The following PFN2 variants were observed in gnomAD, a reference collection of about 807,000 sequenced individuals.
The protein encoded by PFN2 is profilin 2.
Under a neutral mutation model 15.3 loss-of-function variants are expected in PFN2, and 8 were observed. The observed-to-expected ratio is 0.52, with a 90% confidence interval of 0.31 to 0.95. PFN2 has a LOEUF of 0.95. PFN2 is among the 40% of genes least tolerant of loss of function. The pLI, the probability that PFN2 is intolerant of heterozygous loss-of-function variation, is 0.05. For missense variants in PFN2, 111 were observed against 182.3 expected (o/e 0.61, Z 2.25); for synonymous variants, 79 against 67.9 (o/e 1.16, Z -0.81).
At chr3:149,970,077 G>C (rs561383703) in intron 1 of PFN2, among the ~76,000 whole-genome samples, 1 of 151,568 alleles carries the variant, frequency 6.6e-6, no homozygotes, top group Non-Finnish European at 1.5e-5. Flanking sequence ...AACCTATAGA[G>C]CTAGAGCTGA....
chr3:149,968,449 T>C lies in PFN2; in HGVS notation c.234A>G (p.Leu78=), dbSNP rs775337524. The change falls in exon 2 of 3, where the codon CTA becomes CTG. Residue 78 remains leucine, a synonymous_variant. Transcript: ENST00000239940. ...CCATTGTGCAGTCACCATCGACGTA[T>C]AGACTATCTCTGATCACTGAGCATT... ...AKKCSVIRDS[L]YVDGDCTMDI... 48 of 1,613,968 alleles carry C rather than the reference T, an allele frequency of 3.0e-5. No individual in the cohort carries two copies. Among genetic ancestry groups the C allele is most frequent in the East Asian group, 2.5e-4 (11 of 44,876 alleles).
intron 2 of PFN2, 26 bp downstream of exon 2, chr3:149,968,318 ATGTGGCATGCAACT>A: frequency 6.5e-7 from 1 of 1,532,782 alleles, no homozygotes; most frequent in Non-Finnish European, 9.0e-7. Context: ...ATAAGTTGTA[ATGTGGCATGCAACT>A]TTAACCAAAA....
In PFN2 at chr3:149,965,679, G is replaced by A. The variant is rs1722664685; in HGVS notation, c.*810C>T. On this transcript the variant is annotated 3_prime_UTR_variant, in exon 3 of 3. Transcript: ENST00000239940. ...AACAGGCACTGCATAAAAAAAGATGGAAGCAAACCAAATGCCTATGTGCGA... is the reference window on the plus strand; with the variant it reads ...AACAGGCACTGCATAAAAAAAGATGAAAGCAAACCAAATGCCTATGTGCGA... The A allele has an allele frequency of 1.8e-5, 10 of 543,696 alleles. No individual in the cohort carries two copies. The highest frequency in any genetic ancestry group is 1.0e-4 in the Admixed American group (1 of 9,822). The allele number at this position is 543,696 out of a possible 1,614,324, so 33.7% of individuals were successfully genotyped here.
rs1722649245 is a variant in PFN2 at position 149,965,178 on chromosome 3, G to C, written c.*1311C>G. 3 of 1,467,062 alleles carry C rather than the reference G, an allele frequency of 2.0e-6. No individual in the cohort carries two copies. The highest frequency in any genetic ancestry group is 1.4e-5 in the African/African-American group (1 of 70,636). The allele number at this position is 1,467,062 out of a possible 1,614,324, so 90.9% of individuals were successfully genotyped here. A position where few individuals can be genotyped will look rare whatever the true frequency, so the allele number is the denominator to read the frequency against. ...GTCAGTTAAAATCCATCTCACAATA[G>C]CAACAGTTCATTTTAACAATAGTAT... is the stretch of plus-strand genomic sequence containing the variant. On this transcript the variant is annotated 3_prime_UTR_variant, in exon 3 of 3. Coordinates refer to ENST00000239940, the MANE Select transcript of PFN2 (RefSeq NM_053024.4).
chr3:149,968,857 G>A (rs924814616), intron 1 of PFN2: 2 of 292,662 alleles, frequency 6.8e-6, no homozygotes, highest in South Asian at 6.5e-5. Context: ...CAAACTTAAA[G>A]AGTTATTTAT....
rs777597081 is a variant in PFN2, at chr3:149,968,562, C to CA, written c.133-13dup. On this transcript the variant is annotated splice_polypyrimidine_tract_variant and intron_variant, in intron 1 of 2. Coordinates refer to ENST00000239940, the MANE Select transcript of PFN2 (RefSeq NM_053024.4). ...TCTATTTCTATTGGCTGCCCCCCACCAAAAAGAAAAAAAAAAAACACACAC... is the reference window on the plus strand; with the variant it reads ...TCTATTTCTATTGGCTGCCCCCCACCAAAAAAGAAAAAAAAAAAACACACAC... 2.8e-6 allele frequency: 4 copies of CA among 1,437,082 alleles called. No homozygotes were observed. Among genetic ancestry groups the CA allele is most frequent in the Admixed American group, 2.6e-5 (1 of 37,914 alleles). The allele number at this position is 1,437,082 out of a possible 1,614,324, so 89.0% of individuals were successfully genotyped here. A position where few individuals can be genotyped will look rare whatever the true frequency, so the allele number is the denominator to read the frequency against.
At chr3:149,968,200 A>G in intron 2 of PFN2, 158 bp downstream of exon 2, 1 of 623,182 alleles carries the variant, frequency 1.6e-6, no homozygotes, top group Non-Finnish European at 2.8e-6. Context: ...GCTGTAGAGT[A>G]GGTAAAACTA....
rs1376789332 is a variant in PFN2, at chr3:149,966,188, G to C, written c.*301C>G. Reference sequence around the variant, plus strand: ...CTGCTTACACATCAGACCTCCTCAGGTATAAAGCGAGTTCATATGCTTTCT... The same window carrying C: ...CTGCTTACACATCAGACCTCCTCAGCTATAAAGCGAGTTCATATGCTTTCT... On this transcript the variant is annotated 3_prime_UTR_variant, in exon 3 of 3. Coordinates refer to ENST00000239940, the MANE Select transcript of PFN2 (RefSeq NM_053024.4). 1 of 1,613,694 alleles carries C rather than the reference G, an allele frequency of 6.2e-7. No homozygotes were observed. Among genetic ancestry groups the C allele is most frequent in the East Asian group, 2.2e-5 (1 of 44,882 alleles).
In PFN2 at chr3:149,965,345, T is replaced by C; in HGVS notation, c.*1144A>G. 6.6e-7 allele frequency: 1 copy of C among 1,517,116 alleles called. No individual in the cohort carries two copies. The highest frequency in any genetic ancestry group is 8.8e-7 in the Non-Finnish European group (1 of 1,141,250). 94.0% of individuals were successfully genotyped at this position (1,517,116 alleles called of 1,614,324 possible). On this transcript the variant is annotated 3_prime_UTR_variant, in exon 3 of 3. Transcript: ENST00000239940. Reference sequence around the variant, plus strand: ...CACACTCCAGATGGTTATGTTGGGATACCTAATGTCCATAATGGCAGCCTT... The same window carrying C: ...CACACTCCAGATGGTTATGTTGGGACACCTAATGTCCATAATGGCAGCCTT...
chr3:149,966,100 G>T lies in PFN2; in HGVS notation c.*389C>A. ...AAAAATTAGCTACCATCTACAGTTT[G>T]GTAGCATTGTGACCATAATTAGGGT... is the stretch of plus-strand genomic sequence containing the variant. On this transcript the variant is annotated 3_prime_UTR_variant, in exon 3 of 3. Transcript: ENST00000239940. The T allele has an allele frequency of 6.4e-7, 1 of 1,564,932 alleles. No homozygotes were observed. The highest frequency in any genetic ancestry group is 1.2e-5 in the South Asian group (1 of 82,182).
At chr3:149,970,210 C>A (rs1722812365) in intron 1 of PFN2, 1 of 152,272 alleles carries the variant, frequency 6.6e-6, no homozygotes, top group Non-Finnish European at 1.5e-5. Flanking sequence ...CCGGGGCCGC[C>A]GCCTCCCACA....
chr3:149,970,649 C>T, intron 1 of PFN2, 76 bp downstream of exon 1: 4 of 1,393,856 alleles, frequency 2.9e-6, no homozygotes, highest in Non-Finnish European at 3.8e-6. Context: ...GTTCCAGCCC[C>T]GCGCTGCGGT....
intron 1 of PFN2, among the ~76,000 whole-genome samples, chr3:149,969,949 C>A (rs749526958): frequency 5.3e-5 from 8 of 152,078 alleles, no homozygotes; most frequent in Non-Finnish European, 1.0e-4. Flanking sequence ...CCGAAAAGCA[C>A]CCCTTTTTTG....
chr3:149,968,893 T>C (rs1243803221), intron 1 of PFN2: 1 of 207,450 alleles, frequency 4.8e-6, no homozygotes, highest in Admixed American at 5.4e-5. Flanking sequence ...AGCTGGTGCC[T>C]GAAAGTGTTC....
intron 1 of PFN2, among the ~76,000 whole-genome samples, chr3:149,969,830 G>A (rs1576620381): frequency 6.6e-6 from 1 of 152,220 alleles, no homozygotes. Flanking sequence ...AAGAAAATCA[G>A]GCAATGTGAA....
Position 149,968,419 on chromosome 3 carries a change from G to A in PFN2, c.264C>T (p.Ile88=). 6.2e-7 allele frequency: 1 copy of A among 1,614,048 alleles called. No individual in the cohort carries two copies. The highest frequency in any genetic ancestry group is 8.5e-7 in the Non-Finnish European group (1 of 1,179,978). ...LYVDGDCTMD[I]RTKSQGGEPT... is the part of the protein sequence containing the mutation. The stretch of plus-strand genomic sequence containing the variant: ...GCTCCCCACCTTGACTCTTTGTCCG[G>A]ATGTCCATTGTGCAGTCACCATCGA... Residue 88 remains isoleucine, a synonymous_variant, in exon 2 of 3, where the codon ATC becomes ATT. Transcript: ENST00000239940.
Position 149,968,487 on chromosome 3 carries a change from G to T in PFN2, c.196C>A (p.Leu66Ile), listed in dbSNP as rs779308051. 1 of 1,613,348 alleles carries T rather than the reference G, an allele frequency of 6.2e-7. No individual in the cohort carries two copies. The highest frequency in any genetic ancestry group is 8.5e-7 in the Non-Finnish European group (1 of 1,179,910). ...ATCACTGAGCATTTCTTCGCGCCAA[G>T]AGTCAAACCGTTGGTAAAGAAACCT... Reference protein sequence around the residue: ...REGFFTNGLTLGAKKCSVIRD... With the variant: ...REGFFTNGLTIGAKKCSVIRD... The change falls in exon 2 of 3, where the codon CTT becomes ATT. Residue 66 changes from leucine (L) to isoleucine (I), a missense_variant. Coordinates refer to ENST00000239940, the MANE Select transcript of PFN2 (RefSeq NM_053024.4).
Position 149,966,300 on chromosome 3 carries a change from G to T in PFN2, c.*189C>A. The T allele has an allele frequency of 1.2e-6, 2 of 1,608,312 alleles. No homozygotes were observed. The highest frequency in any genetic ancestry group is 1.7e-6 in the Non-Finnish European group (2 of 1,177,794). ...CAAGGAAACAAAACAAAAGTGAACA[G>T]AATTATTTTGGGGGGGGAGGGCAGA... is the stretch of plus-strand genomic sequence containing the variant. On this transcript the variant is annotated 3_prime_UTR_variant, in exon 3 of 3. Transcript: ENST00000239940.
In PFN2 at chr3:149,966,288, C is replaced by T; in HGVS notation, c.*201G>A. 6.2e-7 allele frequency: 1 copy of T among 1,608,982 alleles called. No homozygotes were observed. The highest frequency in any genetic ancestry group is 8.5e-7 in the Non-Finnish European group (1 of 1,178,244). On this transcript the variant is annotated 3_prime_UTR_variant, in exon 3 of 3. Coordinates refer to ENST00000239940, the MANE Select transcript of PFN2 (RefSeq NM_053024.4). ...TGCTGGAGTACACAAGGAAACAAAA[C>T]AAAAGTGAACAGAATTATTTTGGGG...
Sources: allele counts gnomAD v4.1 joint callset (sites outside exome capture counted in the v4.1 genomes callset), GRCh38; gene constraint gnomAD v4.1.1; transcripts MANE v1.5; gene names NCBI Gene and HGNC (gene_info 2026-07-23, HGNC 2026-07-21).